BORCS5: variants seen among roughly 807,000 people sequenced by gnomAD.
The protein encoded by BORCS5 is BLOC-1-related complex subunit 5.
In BORCS5, 17 loss-of-function variants were observed where a neutral mutation model predicts 22.1. The ratio of observed to expected loss-of-function variants is 0.77; its 90% CI spans 0.53 to 1.15. The LOEUF (loss-of-function observed/expected upper bound fraction) is 1.15. Among genes scored for constraint, BORCS5 ranks in the 50% most tolerant of loss-of-function variants. The pLI is 0.00. For missense variants in BORCS5, 247 were observed against 253.2 expected (o/e 0.98, Z 0.17); for synonymous variants, 117 against 99.8 (o/e 1.17, Z -1.03).
intron 2 of BORCS5, among the ~76,000 whole-genome samples, chr12:12,397,329 G>A (rs758017831): frequency 6.6e-6 from 1 of 152,190 alleles, no homozygotes; most frequent in African/African-American, 2.4e-5. Context: ...CCAGGAACAT[G>A]CTCAAGTTGT....
intron 2 of BORCS5, among the ~76,000 whole-genome samples, chr12:12,423,276 A>T (rs1472593229): frequency 6.6e-6 from 1 of 152,116 alleles, no homozygotes; most frequent in Non-Finnish European, 1.5e-5. Context: ...TGCTGGGATT[A>T]CAGGCATGAA....
Position 12,457,396 on chromosome 12 carries a change from G to A in BORCS5, c.361-8150G>A, listed in dbSNP as rs1482054749. ...AGAAAACTGGAATGTTTGGCCGGGC[G>A]CGGTGGCTCACGCCGGTAATCCCAG... is the stretch of plus-strand genomic sequence containing the variant. On this transcript the variant is annotated intron_variant, in intron 3 of 3. Coordinates refer to ENST00000314565, the MANE Select transcript of BORCS5 (RefSeq NM_058169.6). Among the ~76,000 whole-genome samples the A allele has an allele frequency of 2.6e-5, 4 of 152,248 alleles. No homozygotes were observed. In the East Asian group the frequency reaches 7.7e-4, roughly 29 times the overall value.
At chr12:12,456,295 G>C (rs369225025) in intron 3 of BORCS5, among the ~76,000 whole-genome samples, 47 of 152,306 alleles carry the variant, frequency 3.1e-4, no homozygotes, top group African/African-American at 1.1e-3. Context: ...GCCAGGCATG[G>C]TGGCATGTGC....
At chr12:12,465,516 G>T (rs1304546488) in intron 3 of BORCS5, 30 bp from the exon 4 acceptor site, 5 of 1,597,646 alleles carry the variant, frequency 3.1e-6, no homozygotes, top group East Asian at 4.5e-5. Context: ...ATTAAACAAG[G>T]TATAATGTAC....
intron 3 of BORCS5, among the ~76,000 whole-genome samples, chr12:12,440,647 G>A (rs1441107210): frequency 6.6e-6 from 1 of 150,520 alleles, no homozygotes. Context: ...GAGAGGAAGA[G>A]GGGGGCATTG....
intron 3 of BORCS5, among the ~76,000 whole-genome samples, chr12:12,436,649 A>G (rs924073372): frequency 5.5e-5 from 8 of 145,402 alleles, no homozygotes; most frequent in Non-Finnish European, 1.2e-4. Context: ...GAGAAGATGG[A>G]CATGGAGAAA....
intron 2 of BORCS5, among the ~76,000 whole-genome samples, chr12:12,420,513 G>T (rs972223897): frequency 6.6e-6 from 1 of 152,158 alleles, no homozygotes; most frequent in African/African-American, 2.4e-5. Flanking sequence ...GCTTAGGATT[G>T]TCTTGGCAAT....
At position 12,448,652 on chromosome 12, in the gene BORCS5, C is replaced by A. The variant is rs367948153; in HGVS notation, c.360+12867C>A. On this transcript the variant is annotated intron_variant, in intron 3 of 3. Coordinates refer to ENST00000314565, the MANE Select transcript of BORCS5 (RefSeq NM_058169.6). ...CAAGCGATTCTCCTGCCTCAGCCTC[C>A]CGAGTAGCTGGGATTATAGGCGCCT... is the stretch of plus-strand genomic sequence containing the variant. Among the ~76,000 whole-genome samples, 8 of 152,126 alleles carry A rather than the reference C, an allele frequency of 5.3e-5. 1 individual carries two copies. The East Asian group carries it at 1.4e-3, about 26-fold the overall frequency.
At chr12:12,366,138 A>C (rs866375774) in intron 2 of BORCS5, among the ~76,000 whole-genome samples, 4 of 152,218 alleles carry the variant, frequency 2.6e-5, no homozygotes, top group Admixed American at 6.5e-5. Context: ...GCCATTCCTC[A>C]AAATAGTAAA....
At chr12:12,414,160 T>C (rs1246863788) in intron 2 of BORCS5, among the ~76,000 whole-genome samples, 8 of 86,500 alleles carry the variant, frequency 9.2e-5, no homozygotes, top group South Asian at 4.2e-4. Flanking sequence ...GGCGGGGGGC[T>C]GACCCCCCCA....
chr12:12,440,862 AAAGT>A (rs1391237247), intron 3 of BORCS5, among the ~76,000 whole-genome samples: 1 of 152,202 alleles, frequency 6.6e-6, no homozygotes, highest in Admixed American at 6.5e-5. Context: ...GCTTTTACAG[AAAGT>A]AAGCACTTCG....
intron 2 of BORCS5, among the ~76,000 whole-genome samples, chr12:12,387,704 G>A (rs892348249): frequency 2.0e-5 from 3 of 151,246 alleles, no homozygotes; most frequent in South Asian, 4.2e-4. Flanking sequence ...GAGTCATATC[G>A]AATCATCTAA....
chr12:12,388,842 A>T (rs1159244729), intron 2 of BORCS5, among the ~76,000 whole-genome samples: 4 of 151,270 alleles, frequency 2.6e-5, no homozygotes, highest in Admixed American at 2.6e-4. Context: ...ATGGAAATTT[A>T]AAAAATGTTC....
At position 12,357,149 on chromosome 12, in the gene BORCS5, C is replaced by A. The variant is rs889924351; in HGVS notation, c.-303C>A. ...TGAAAGCGGCGCCGCCCGCCGGCCG[C>A]AGGTGCGGCAAAGCCAGTGTCATCT... On this transcript the variant is annotated 5_prime_UTR_variant, in exon 1 of 4. Transcript: ENST00000314565. 3 of 1,533,056 alleles carry A rather than the reference C, an allele frequency of 2.0e-6. No individual in the cohort carries two copies. The highest frequency in any genetic ancestry group is 2.6e-6 in the Non-Finnish European group (3 of 1,145,676). 95.0% of individuals were successfully genotyped at this position (1,533,056 alleles called of 1,614,324 possible).
chr12:12,430,240 T>C (rs924288394), intron 2 of BORCS5, among the ~76,000 whole-genome samples: 5 of 143,084 alleles, frequency 3.5e-5, no homozygotes, highest in African/African-American at 1.3e-4. Context: ...AAGCTCTGCC[T>C]CCTGGGTTCA....
chr12:12,428,303 T>C (rs2136115002), intron 2 of BORCS5, among the ~76,000 whole-genome samples: 1 of 152,354 alleles, frequency 6.6e-6, no homozygotes. Flanking sequence ...CCCACACTTC[T>C]AACCCTGATG....
intron 3 of BORCS5, among the ~76,000 whole-genome samples, chr12:12,441,745 G>A (rs1942687921): frequency 6.6e-6 from 1 of 151,758 alleles, no homozygotes; most frequent in Admixed American, 6.6e-5. Context: ...AGCCCACTGT[G>A]GTTTCCTTCA....
intron 1 of BORCS5, among the ~76,000 whole-genome samples, chr12:12,358,074 A>G (rs1207240964): frequency 6.6e-6 from 1 of 152,156 alleles, no homozygotes; most frequent in Non-Finnish European, 1.5e-5. Flanking sequence ...TCTGTCCATG[A>G]TTTTTAGACT....
intron 2 of BORCS5, among the ~76,000 whole-genome samples, chr12:12,390,215 A>G (rs1941137329): frequency 6.6e-6 from 1 of 152,112 alleles, no homozygotes; most frequent in Non-Finnish European, 1.5e-5. Context: ...GCACTGTTCT[A>G]GGAGGTGAGG....
Sources: allele counts gnomAD v4.1 joint callset (sites outside exome capture counted in the v4.1 genomes callset), GRCh38; gene constraint gnomAD v4.1.1; transcripts MANE v1.5; gene names NCBI Gene and HGNC (gene_info 2026-07-23, HGNC 2026-07-21).